Variants in SYT1 observed in about 807,000 individuals in gnomAD.
SYT1 encodes the protein synaptotagmin-1.
Under a neutral mutation model 44.8 loss-of-function variants are expected in SYT1, and 8 were observed. The ratio of observed to expected loss-of-function variants is 0.18; its 90% CI spans 0.10 to 0.32. The LOEUF (loss-of-function observed/expected upper bound fraction) is 0.32, where lower values mean the gene tolerates loss of function less well. Ranked by LOEUF, SYT1 falls within the 10% of genes least tolerant of loss-of-function variation. The pLI, the probability that SYT1 is intolerant of heterozygous loss-of-function variation, is 1.00. For synonymous variants in SYT1, 154 were observed against 188.8 expected (o/e 0.82, Z 1.51); for missense variants, 286 against 509.3 (o/e 0.56, Z 4.22).
At chr12:78,929,360 C>T (rs1877488683) in intron 1 of SYT1, among the ~76,000 whole-genome samples, 1 of 125,034 alleles carries the variant, frequency 8.0e-6, no homozygotes, top group Non-Finnish European at 1.6e-5. Flanking sequence ...GGAGATTGCG[C>T]CAGTGTACTC....
intron 8 of SYT1, among the ~76,000 whole-genome samples, chr12:79,319,674 C>G (rs1159269505): frequency 6.6e-6 from 1 of 152,092 alleles, no homozygotes; most frequent in African/African-American, 2.4e-5. Flanking sequence ...CAACACCACT[C>G]CCAAGTCTCT....
At chr12:78,930,763 C>T (rs536586421) in intron 1 of SYT1, among the ~76,000 whole-genome samples, 5 of 151,982 alleles carry the variant, frequency 3.3e-5, no homozygotes, top group South Asian at 2.1e-4. Flanking sequence ...CTTCAGGTTA[C>T]GTGAGCAACA....
At chr12:79,087,491 A>G (rs1565800090) in intron 3 of SYT1, among the ~76,000 whole-genome samples, 1 of 152,150 alleles carries the variant, frequency 6.6e-6, no homozygotes, top group Non-Finnish European at 1.5e-5. Flanking sequence ...ACAAGCATGT[A>G]TTTGGCACCT....
intron 3 of SYT1, among the ~76,000 whole-genome samples, chr12:79,081,383 C>CTT (rs375161906): frequency 1.3e-4 from 18 of 141,352 alleles, no homozygotes; most frequent in African/African-American, 2.6e-4. Flanking sequence ...CACAAATTCA[C>CTT]TTTTTTTTTT....
At chr12:79,375,285 G>T (rs1279399457) in intron 9 of SYT1, among the ~76,000 whole-genome samples, 1 of 152,102 alleles carries the variant, frequency 6.6e-6, no homozygotes, top group Non-Finnish European at 1.5e-5. Context: ...GCGCTTCCTG[G>T]AGAAACCAAG....
intron 2 of SYT1, among the ~76,000 whole-genome samples, chr12:79,041,670 G>C (rs987535196): frequency 2.0e-5 from 3 of 151,984 alleles, no homozygotes; most frequent in African/African-American, 7.3e-5. Context: ...TGTTGAATAG[G>C]AGTGGTGAGA....
intron 3 of SYT1, among the ~76,000 whole-genome samples, chr12:79,165,136 C>A (rs1871158039): frequency 6.6e-6 from 1 of 151,856 alleles, no homozygotes; most frequent in South Asian, 2.1e-4. Context: ...TTTTCTTAGA[C>A]AAGTATCAGC....
intron 3 of SYT1, among the ~76,000 whole-genome samples, chr12:79,170,856 T>G (rs1871475851): frequency 1.3e-5 from 2 of 151,808 alleles, no homozygotes; most frequent in South Asian, 4.1e-4. Context: ...GACTTTAATC[T>G]ATTTTATGTT....
At chr12:79,286,032 T>C (rs1343685700) in intron 5 of SYT1, 61 bp downstream of exon 5, 2 of 1,517,836 alleles carry the variant, frequency 1.3e-6, no homozygotes, top group African/African-American at 2.9e-5. Context: ...AAATGTATTA[T>C]TTTATGCCAT....
chr12:79,187,549 AC>A (rs1872874622), intron 3 of SYT1, among the ~76,000 whole-genome samples: 1 of 152,108 alleles, frequency 6.6e-6, no homozygotes, highest in Non-Finnish European at 1.5e-5. Flanking sequence ...AACAGTGAGA[AC>A]CTTCCCCAAT....
intron 9 of SYT1, among the ~76,000 whole-genome samples, chr12:79,385,291 C>G (rs997367359): frequency 1.3e-5 from 2 of 152,044 alleles, no homozygotes; most frequent in African/African-American, 4.8e-5. Context: ...CTGGGCAGGA[C>G]CACTGGATTT....
intron 1 of SYT1, among the ~76,000 whole-genome samples, chr12:78,956,750 A>G (rs1230169540): frequency 1.3e-5 from 2 of 152,146 alleles, no homozygotes; most frequent in Non-Finnish European, 2.9e-5. Context: ...AATTAAAAAT[A>G]TAAACTTTAT....
At chr12:79,000,288 C>CTTTTT (rs559894598) in intron 2 of SYT1, among the ~76,000 whole-genome samples, 98 of 112,906 alleles carry the variant, frequency 8.7e-4, no homozygotes, top group African/African-American at 2.4e-3. Flanking sequence ...TTAACTGCTT[C>CTTTTT]TTTTTTTTTT....
chr12:79,322,547 C>T (rs146844627), intron 8 of SYT1, among the ~76,000 whole-genome samples: 61 of 152,144 alleles, frequency 4.0e-4, no homozygotes, highest in African/African-American at 1.4e-3. Flanking sequence ...TTAATATTGC[C>T]TCACATTTGC....
intron 9 of SYT1, among the ~76,000 whole-genome samples, chr12:79,364,881 C>A (rs182180159): frequency 1.3e-5 from 2 of 152,132 alleles, no homozygotes; most frequent in Non-Finnish European, 2.9e-5. Flanking sequence ...AATCTACTGA[C>A]GCAGCTGTCA....
At chr12:79,234,413 G>A (rs533925824) in intron 4 of SYT1, among the ~76,000 whole-genome samples, 2 of 152,246 alleles carry the variant, frequency 1.3e-5, no homozygotes, top group African/African-American at 2.4e-5. Context: ...TCTAGCAATC[G>A]CTGCCCTGCT....
chr12:79,091,707 C>T (rs1447144639), intron 3 of SYT1, among the ~76,000 whole-genome samples: 1 of 151,750 alleles, frequency 6.6e-6, no homozygotes, highest in Non-Finnish European at 1.5e-5. Context: ...ATTTCAGAAT[C>T]CAGTCTAAAT....
intron 3 of SYT1, among the ~76,000 whole-genome samples, chr12:79,179,508 T>G (rs969790594): frequency 1.4e-4 from 15 of 104,556 alleles, no homozygotes; most frequent in African/African-American, 4.7e-4. Context: ...TAGATATAGA[T>G]ATAGATATAT....
intron 4 of SYT1, among the ~76,000 whole-genome samples, chr12:79,264,201 G>A (rs1313715677): frequency 1.4e-5 from 2 of 145,012 alleles, no homozygotes; most frequent in Admixed American, 6.9e-5. Context: ...TTTTTTTTGA[G>A]ATGGAGTCTC....
Sources: gnomAD v4.1 joint callset for allele counts (sites outside exome capture counted in the v4.1 genomes callset) on GRCh38, gnomAD v4.1.1 for gene constraint, MANE v1.5 for transcripts, NCBI Gene and HGNC (gene_info 2026-07-23, HGNC 2026-07-21) for gene names.